Variants in NEB observed in about 807,000 individuals in gnomAD.
The protein encoded by NEB is nemaline myopathy type 2.
NEB carries 512 observed loss-of-function variants against 952.2 expected under a neutral mutation model. The ratio of observed to expected loss-of-function variants is 0.54; its 90% CI spans 0.50 to 0.58. The LOEUF is 0.58. Among genes scored for constraint, NEB ranks in the 20% least tolerant of loss-of-function variants. The probability of loss-of-function intolerance (pLI) is 0.00; values close to 1 mark genes in which losing one functional copy is unlikely to be tolerated. For synonymous variants in NEB, 2,900 were observed against 3,149.8 expected (o/e 0.92, Z 2.66); for missense variants, 8,428 against 9,231.1 (o/e 0.91, Z 3.56).
chr2:151,654,385 G>A (rs536035064), intron 51 of NEB, among the ~76,000 whole-genome samples: 14 of 152,162 alleles, frequency 9.2e-5, no homozygotes, highest in African/African-American at 3.1e-4. Flanking sequence ...GGCATATCAC[G>A]TATCTTTCTC....
At chr2:151,673,316 C>T (rs2099322701) in intron 36 of NEB, among the ~76,000 whole-genome samples, 1 of 151,964 alleles carries the variant, frequency 6.6e-6, no homozygotes, top group Non-Finnish European at 1.5e-5. Flanking sequence ...AATTCAAATC[C>T]ACTTAAACCC....
In NEB at chr2:151,642,452, G is replaced by A. The variant is rs2098885830; in HGVS notation, c.8373+122C>T. 6 of 807,448 alleles carry A rather than the reference G, an allele frequency of 7.4e-6. No homozygotes were observed. In the South Asian group the frequency reaches 8.1e-5, roughly 11 times the overall value. 50.0% of individuals were successfully genotyped at this position (807,448 alleles called of 1,614,324 possible). A position where few individuals can be genotyped will look rare whatever the true frequency, so the allele number is the denominator to read the frequency against. ...TTACCATTATTTTAAACCATTCATC[G>A]AAACAATAAACTGTTAGCAACAGCT... On this transcript the variant is annotated intron_variant, in intron 60 of 181. Transcript: ENST00000397345.
intron 70 of NEB, among the ~76,000 whole-genome samples, chr2:151,626,597 C>T (rs1172535019): frequency 4.0e-5 from 6 of 151,600 alleles, no homozygotes; most frequent in African/African-American, 1.5e-4. Flanking sequence ...AGTGCAGTGG[C>T]GCGATCTCAG....
intron 155 of NEB, 78 bp from the exon 156 acceptor site, chr2:151,518,500 G>A (rs1353676950): frequency 1.4e-5 from 12 of 855,454 alleles, no homozygotes; most frequent in East Asian, 2.4e-5. Context: ...TAGATTAGAC[G>A]TTTACACAGC....
rs766522842 is a variant in NEB at position 151,549,687 on chromosome 2, A to G, written c.19998T>C (p.Gly6666=). ...TGATGTGTTTGAAGTGAGGAGTGTC[A>G]CCTGGAAGTCTATATCCAGTGGGCA... ...RTLPTGYRLP[G]DTPHFKHIKD... is the part of the protein sequence containing the mutation. Residue 6666 remains glycine (G), a synonymous_variant, in exon 130 of 182, where the codon GGT becomes GGC. Transcript: ENST00000397345. The G allele has an allele frequency of 1.2e-6, 2 of 1,601,114 alleles. No individual in the cohort carries two copies. Among genetic ancestry groups the G allele is most frequent in the African/African-American group, 2.7e-5 (2 of 74,788 alleles).
intron 77 of NEB, 146 bp from the exon 78 acceptor site, chr2:151,612,535 G>A (rs2098023594): frequency 1.3e-6 from 1 of 786,398 alleles, no homozygotes; most frequent in Admixed American, 2.6e-5. Context: ...CTTTACTTTG[G>A]TTTAGAATGG....
chr2:151,684,759 A>G lies in NEB; in HGVS notation c.2835+19T>C, dbSNP rs1453198486. The G allele has an allele frequency of 1.9e-6, 3 of 1,543,102 alleles. No homozygotes were observed. Among genetic ancestry groups the G allele is most frequent in the East Asian group, 4.5e-5 (2 of 44,234 alleles). Reference sequence around the variant, plus strand: ...TCCATCTTTTTAAAAGAGGGGCTACAGAAACCCTGGTTACTCACATCGCTC... The same window carrying G: ...TCCATCTTTTTAAAAGAGGGGCTACGGAAACCCTGGTTACTCACATCGCTC... On this transcript the variant is annotated intron_variant, in intron 28 of 181. Coordinates refer to ENST00000397345, the MANE Select transcript of NEB (RefSeq NM_001164508.2).
intron 55 of NEB, 128 bp from the exon 56 acceptor site, chr2:151,644,703 A>T (rs530320236): frequency 2.0e-5 from 15 of 751,056 alleles, no homozygotes; most frequent in Non-Finnish European, 3.3e-5. Context: ...CTCAAATGTA[A>T]TTAGAAATTA....
At chr2:151,504,488 TACC>T (rs2067220440) in intron 165 of NEB, among the ~76,000 whole-genome samples, 2 of 152,200 alleles carry the variant, frequency 1.3e-5, no homozygotes, top group South Asian at 4.1e-4. Flanking sequence ...ATGAAATTTG[TACC>T]ACAAGGAAAT....
Position 151,565,104 on chromosome 2 carries a change from C to T in NEB, c.18411G>A (p.Thr6137=), listed in dbSNP as rs767659024. 1.8e-5 allele frequency: 29 copies of T among 1,599,360 alleles called. No individual in the cohort carries two copies. Among genetic ancestry groups the T allele is most frequent in the Admixed American group, 1.0e-4 (6 of 59,676 alleles). ...AGATATGTGGTGTATCTGGTGAAAA[C>T]GTATATTTGCCCTTTGCTTTATTAA... ...ETFNKAKGKY[T]FSPDTPHISH... The change falls in exon 117 of 182, where the codon ACG becomes ACA. Residue 6137 remains threonine, a synonymous_variant. Transcript: ENST00000397345.
intron 124 of NEB, among the ~76,000 whole-genome samples, chr2:151,555,758 C>T (rs1414704830): frequency 3.3e-5 from 5 of 152,016 alleles, no homozygotes; most frequent in Non-Finnish European, 7.4e-5. Flanking sequence ...CAATGCTCTT[C>T]ATTGACTGGA....
At chr2:151,717,315 T>C in intron 10 of NEB, 101 bp downstream of exon 10, 1 of 812,426 alleles carries the variant, frequency 1.2e-6, no homozygotes, top group Admixed American at 2.0e-5. Flanking sequence ...TCCTAGTGTT[T>C]GTGTTTTATC....
intron 95 of NEB, 46 bp downstream of exon 95, chr2:151,591,988 T>C: frequency 6.5e-7 from 1 of 1,549,512 alleles, no homozygotes; most frequent in Non-Finnish European, 8.7e-7. Flanking sequence ...AAAGGTTTGG[T>C]TAGGCAGAGA....
In NEB at chr2:151,506,261, G is replaced by C. The variant is rs374499643; in HGVS notation, c.23557-3C>G. The C allele has an allele frequency of 6.7e-5, 108 of 1,606,048 alleles. No individual in the cohort carries two copies. The African/African-American group carries it at 1.4e-3, about 20-fold the overall frequency. On this transcript the variant is annotated splice_region_variant and splice_polypyrimidine_tract_variant and intron_variant, in intron 163 of 181. Coordinates refer to ENST00000397345, the MANE Select transcript of NEB (RefSeq NM_001164508.2). The stretch of plus-strand genomic sequence containing the variant: ...GAGACATCCTCTTTATATAAAACCT[G>C]GGCATTCAGAATCAGGACAGTGTTA...
chr2:151,644,059 G>T lies in NEB; in HGVS notation c.7715C>A (p.Pro2572His). 1 of 1,613,904 alleles carries T rather than the reference G, an allele frequency of 6.2e-7. No individual in the cohort carries two copies. Among genetic ancestry groups the T allele is most frequent in the East Asian group, 2.2e-5 (1 of 44,870 alleles). The change falls in exon 57 of 182, where the codon CCC becomes CAC. Residue 2572 changes from proline to histidine, a missense_variant. Around this residue, in one of 11 missense-constraint regions of NEB, gnomAD observed 1,772 missense variants for 1,960.3 expected, o/e 0.90. Transcript: ENST00000397345. ...CACATGCATGGACCACATCATCTTG[G>T]GGTCATCTTCAATGTTCCGGGCACC... ...HIGARNIEDD[P>H]KMMWSMHVAK...
chr2:151,569,183 G>A (rs1276634813), intron 110 of NEB, 85 bp downstream of exon 110: 2 of 1,086,370 alleles, frequency 1.8e-6, no homozygotes, highest in African/African-American at 1.5e-5. Flanking sequence ...TAAGATTGCT[G>A]ATATTAGATG....
chr2:151,491,841 C>T (rs2056842409), intron 178 of NEB, 66 bp from the exon 179 acceptor site: 2 of 1,325,990 alleles, frequency 1.5e-6, no homozygotes, highest in Non-Finnish European at 2.1e-6. Context: ...AAAACCAAGG[C>T]ATGAATTTTA....
At chr2:151,722,654 C>CTGAG (rs2099778040) in intron 9 of NEB, among the ~76,000 whole-genome samples, 1 of 152,120 alleles carries the variant, frequency 6.6e-6, no homozygotes, top group Admixed American at 6.5e-5. Context: ...AGTGATCCTC[C>CTGAG]TACCTCAGCC....
In NEB at chr2:151,620,965, G is replaced by T. The variant is rs2098403951; in HGVS notation, c.10514C>A (p.Ala3505Asp). 1 of 1,613,034 alleles carries T rather than the reference G, an allele frequency of 6.2e-7. No individual in the cohort carries two copies. Among genetic ancestry groups the T allele is most frequent in the South Asian group, 1.1e-5 (1 of 90,774 alleles). The change falls in exon 72 of 182, where the codon GCC becomes GAC. Residue 3505 changes from alanine to aspartate, a missense_variant. This residue lies in a region of NEB where 1,772 missense variants were observed against 1,960.3 expected (regional missense o/e 0.90). Transcript: ENST00000397345. ...KKEGYDLRSD[A>D]IPIVAAKASR... ...GGCCTTGGCAGCCACAATGGGAATGGCATCACTTCTCAAGTCATAGCCTTC... is the reference window on the plus strand; with the variant it reads ...GGCCTTGGCAGCCACAATGGGAATGTCATCACTTCTCAAGTCATAGCCTTC...
Sources: gnomAD v4.1 joint callset for allele counts (sites outside exome capture counted in the v4.1 genomes callset) on GRCh38, gnomAD v4.1.1 for gene constraint, gnomAD v4.1.1 regional missense constraint, MANE v1.5 for transcripts, NCBI Gene and HGNC (gene_info 2026-07-23, HGNC 2026-07-21) for gene names.